The following SLC6A3 variants were observed in gnomAD, a reference collection of about 807,000 sequenced individuals.
SLC6A3 encodes solute carrier family 6 member 3.
In SLC6A3, 19 loss-of-function variants were observed where a neutral mutation model predicts 70.4. That is an observed-to-expected ratio of 0.27 (90% CI 0.19 to 0.40). The LOEUF is 0.40. Ranked by LOEUF, SLC6A3 falls within the 10% of genes least tolerant of loss-of-function variation. The pLI is 1.00. For missense variants in SLC6A3, 613 were observed against 838.5 expected, an observed-to-expected ratio of 0.73 and a Z score of 3.32; for synonymous variants, 368 against 356.6, an observed-to-expected ratio of 1.03 and a Z score of -0.36.
intron 12 of SLC6A3, 25 bp from the exon 13 acceptor site, chr5:1,403,114 A>G: frequency 6.2e-7 from 1 of 1,611,750 alleles, no homozygotes; most frequent in Non-Finnish European, 8.5e-7. Context: ...TACGGAGGTC[A>G]GGCAGCTCTC....
rs534024194 is a variant in SLC6A3 at position 1,401,458 on chromosome 5, C to A, written c.1768-472G>T. Among the ~76,000 whole-genome samples, 1 of 152,342 alleles carries A rather than the reference C, an allele frequency of 6.6e-6. No homozygotes were observed. The highest frequency in any genetic ancestry group is 2.1e-4 in the South Asian group (1 of 4,826). ...GTGAACGCTGAACGTGCCTTCCTTC[C>A]ACTGCCCGCTGCGGCAGCTCCTGGG... On this transcript the variant is annotated intron_variant, in intron 13 of 14. Transcript: ENST00000270349. This position sits in a 1 kb window ranked among gnomAD's most constrained non-coding sequence, Gnocchi z 6.1.
chr5:1,416,251 C>T, intron 6 of SLC6A3, 50 bp from the exon 7 acceptor site: 1 of 1,405,788 alleles, frequency 7.1e-7, no homozygotes, highest in Non-Finnish European at 1.0e-6. Flanking sequence ...ACGCAGGCCA[C>T]AGGCAAAGGA....
In SLC6A3 at chr5:1,420,125, C is replaced by G. The variant is rs562529241; in HGVS notation, c.927+444G>C. Among the ~76,000 whole-genome samples, 25 of 152,332 alleles carry G rather than the reference C, an allele frequency of 1.6e-4. 1 individual carries two copies. In the South Asian group the frequency reaches 2.7e-3, roughly 16 times the overall value. On this transcript the variant is annotated intron_variant, in intron 6 of 14. Transcript: ENST00000270349. ...CGGCTTTGGGGCCTGCCACCTCCCC[C>G]ACTTAGTCCACCTGATTTCCAACGA...
intron 4 of SLC6A3, among the ~76,000 whole-genome samples, chr5:1,423,232 G>A (rs2963248): frequency 0.03 from 918 of 30,868 alleles, 152 homozygotes; most frequent in African/African-American, 0.12. Flanking sequence ...CGCTGCCCAC[G>A]GTGCTGCCCA....
chr5:1,414,541 C>T (rs1756230603), intron 8 of SLC6A3, 150 bp downstream of exon 8: 1 of 697,744 alleles, frequency 1.4e-6, no homozygotes, highest in Admixed American at 2.7e-5. Flanking sequence ...GGGATGTGTA[C>T]CACCATCCTT....
chr5:1,437,085 A>C lies in SLC6A3; in HGVS notation c.418+4274T>G, dbSNP rs1756854478. 6.6e-6 allele frequency among the ~76,000 whole-genome samples: 1 copy of C among 152,082 alleles called. No individual in the cohort carries two copies. Among genetic ancestry groups the C allele is most frequent in the Non-Finnish European group, 1.5e-5 (1 of 68,002 alleles). On this transcript the variant is annotated intron_variant, in intron 3 of 14. Transcript: ENST00000270349. The surrounding 1 kb of genome is among the most constrained non-coding windows in gnomAD (Gnocchi z 4.8). Reference sequence around the variant, plus strand: ...GCTAACACGATGAAACCCCGTCTCTACTAAAAATACAAAAAATTAGCGGGG... The same window carrying C: ...GCTAACACGATGAAACCCCGTCTCTCCTAAAAATACAAAAAATTAGCGGGG...
At position 1,413,733 on chromosome 5, in the gene SLC6A3, G is replaced by C. The variant is rs554840026; in HGVS notation, c.1156+958C>G. 6.6e-6 allele frequency among the ~76,000 whole-genome samples: 1 copy of C among 152,116 alleles called. No individual in the cohort carries two copies. The highest frequency in any genetic ancestry group is 2.4e-5 in the African/African-American group (1 of 41,430). On this transcript the variant is annotated intron_variant, in intron 8 of 14. Transcript: ENST00000270349. The surrounding 1 kb of genome is among the most constrained non-coding windows in gnomAD (Gnocchi z 7.1). The stretch of plus-strand genomic sequence containing the variant: ...TGGCAGAGCAGGCCGGGAGGCAGGC[G>C]GGGGCTCTGCTGGCTGACAGAGACC...
intron 10 of SLC6A3, 49 bp downstream of exon 10, chr5:1,409,672 T>A: frequency 1.9e-6 from 3 of 1,610,814 alleles, no homozygotes; most frequent in Non-Finnish European, 2.5e-6. Flanking sequence ...CCGTGCCACG[T>A]GCTAAGGAGA....
At chr5:1,443,867 G>GT (rs1242561019) in intron 1 of SLC6A3, among the ~76,000 whole-genome samples, 429 of 151,672 alleles carry the variant, frequency 2.8e-3, no homozygotes, top group African/African-American at 9.7e-3. Flanking sequence ...TGTTGTTGTT[G>GT]TTGTTTTTTT....
At position 1,438,772 on chromosome 5, in the gene SLC6A3, T is replaced by C. The variant is rs1756900439; in HGVS notation, c.418+2587A>G. On this transcript the variant is annotated intron_variant, in intron 3 of 14. Transcript: ENST00000270349. This position sits in a 1 kb window ranked among gnomAD's most constrained non-coding sequence, Gnocchi z 6.5. Reference sequence around the variant, plus strand: ...CACAGGGCTGTGCCTTGTAAGACACTTGTGACAGACTCCAGGGTGGCTCTT... The same window carrying C: ...CACAGGGCTGTGCCTTGTAAGACACCTGTGACAGACTCCAGGGTGGCTCTT... Among the ~76,000 whole-genome samples, 1 of 152,172 alleles carries C rather than the reference T, an allele frequency of 6.6e-6. No homozygotes were observed. The highest frequency in any genetic ancestry group is 2.1e-4 in the South Asian group (1 of 4,830).
At chr5:1,407,707 T>C (rs756202848) in intron 11 of SLC6A3, among the ~76,000 whole-genome samples, 17 of 152,242 alleles carry the variant, frequency 1.1e-4, no homozygotes, top group Non-Finnish European at 2.4e-4. Context: ...TGAAGGTCTA[T>C]GTTTTGTTCA....
At position 1,443,607 on chromosome 5, in the gene SLC6A3, A is replaced by C. The variant is rs868309748; in HGVS notation, c.-45-365T>G. 4.6e-5 allele frequency among the ~76,000 whole-genome samples: 7 copies of C among 152,320 alleles called. No individual in the cohort carries two copies. The South Asian group carries it at 1.4e-3, about 32-fold the overall frequency. ...TCCACCTTCCCCCACACTTCCAGAG[A>C]GCAATTTTACAATCTTCTAAGAGCA... On this transcript the variant is annotated intron_variant, in intron 1 of 14. Coordinates refer to ENST00000270349, the MANE Select transcript of SLC6A3 (RefSeq NM_001044.5).
rs888780599 is a variant in SLC6A3, at chr5:1,408,223, T to A, written c.1498+803A>T. On this transcript the variant is annotated intron_variant, in intron 11 of 14. Transcript: ENST00000270349. The surrounding 1 kb of genome is among the most constrained non-coding windows in gnomAD (Gnocchi z 6.4). The stretch of plus-strand genomic sequence containing the variant: ...GGCTAATTTTTTTTTTTTTTTTTTT[T>A]AGTAAAGATGGGGTTTTACCATGTT... Among the ~76,000 whole-genome samples, 38 of 151,022 alleles carry A rather than the reference T, an allele frequency of 2.5e-4. No individual in the cohort carries two copies. Among genetic ancestry groups the A allele is most frequent in the African/African-American group, 8.2e-4 (34 of 41,226 alleles).
In SLC6A3 at chr5:1,404,988, T is replaced by C. The variant is rs1755937184; in HGVS notation, c.1599+1200A>G. On this transcript the variant is annotated intron_variant, in intron 12 of 14. Coordinates refer to ENST00000270349, the MANE Select transcript of SLC6A3 (RefSeq NM_001044.5). The surrounding 1 kb of genome is among the most constrained non-coding windows in gnomAD (Gnocchi z 5.2). ...TGCAAAACAGCTCAGTTTCAACTAA[T>C]GGCGGGGGAGAGCGGGAGGTGGGCA... 6.6e-6 allele frequency among the ~76,000 whole-genome samples: 1 copy of C among 152,162 alleles called. No individual in the cohort carries two copies. The highest frequency in any genetic ancestry group is 6.5e-5 in the Admixed American group (1 of 15,276).
At position 1,404,593 on chromosome 5, in the gene SLC6A3, G is replaced by A. The variant is rs909236092; in HGVS notation, c.1600-1504C>T. Reference sequence around the variant, plus strand: ...CCACAGAGTCATCTGAACGAGACTGGGGCGTGTACACCCCTTACGACCAGA... The same window carrying A: ...CCACAGAGTCATCTGAACGAGACTGAGGCGTGTACACCCCTTACGACCAGA... On this transcript the variant is annotated intron_variant, in intron 12 of 14. Coordinates refer to ENST00000270349, the MANE Select transcript of SLC6A3 (RefSeq NM_001044.5). The surrounding 1 kb of genome is among the most constrained non-coding windows in gnomAD (Gnocchi z 5.2). Among the ~76,000 whole-genome samples the A allele has an allele frequency of 2.0e-5, 3 of 152,204 alleles. No individual in the cohort carries two copies. The highest frequency in any genetic ancestry group is 7.2e-5 in the African/African-American group (3 of 41,444).
chr5:1,406,139 G>T lies in SLC6A3; in HGVS notation c.1599+49C>A. ...TGGACCTCGGGGCAGGTGCCAGAGT[G>T]GGGGCAGTGGGCAGACGGGGGAAGG... On this transcript the variant is annotated intron_variant, in intron 12 of 14. Coordinates refer to ENST00000270349, the MANE Select transcript of SLC6A3 (RefSeq NM_001044.5). The surrounding 1 kb of genome is among the most constrained non-coding windows in gnomAD (Gnocchi z 8.8). 7.3e-7 allele frequency: 1 copy of T among 1,368,414 alleles called. No individual in the cohort carries two copies. Among genetic ancestry groups the T allele is most frequent in the Non-Finnish European group, 1.0e-6 (1 of 956,670 alleles). 84.8% of individuals were successfully genotyped at this position (1,368,414 alleles called of 1,614,324 possible).
intron 3 of SLC6A3, among the ~76,000 whole-genome samples, chr5:1,433,676 C>T (rs1018014502): frequency 6.6e-6 from 1 of 151,632 alleles, no homozygotes; most frequent in African/African-American, 2.4e-5. Context: ...CTGTCATTCA[C>T]AACCATCCAC....
In SLC6A3 at chr5:1,397,885, A is replaced by G; in HGVS notation, c.1839+3030T>C. On this transcript the variant is annotated intron_variant, in intron 14 of 14. Transcript: ENST00000270349. The surrounding 1 kb of genome is among the most constrained non-coding windows in gnomAD (Gnocchi z 4.7). ...GAGTCCGTACAAAATAATAACAGGA[A>G]CAAGAACAATGACAGTGTCTAATTT... is the stretch of plus-strand genomic sequence containing the variant. Among the ~76,000 whole-genome samples, 1 of 152,240 alleles carries G rather than the reference A, an allele frequency of 6.6e-6. No homozygotes were observed. The highest frequency in any genetic ancestry group is 1.9e-4 in the East Asian group (1 of 5,204).
chr5:1,440,101 G>A (rs1756938711), intron 3 of SLC6A3, among the ~76,000 whole-genome samples: 1 of 152,242 alleles, frequency 6.6e-6, no homozygotes. Context: ...GAAAGGTTCA[G>A]TGACAACTAG....
Sources: allele counts gnomAD v4.1 joint callset (sites outside exome capture counted in the v4.1 genomes callset), GRCh38; gene constraint gnomAD v4.1.1; non-coding constraint Gnocchi (gnomAD v3.1); transcripts MANE v1.5; gene names NCBI Gene and HGNC (gene_info 2026-07-23, HGNC 2026-07-21).